Variants in MME observed in about 807,000 individuals in gnomAD.
MME encodes the protein membrane metalloendopeptidase.
A neutral mutation model predicts 113.2 loss-of-function variants in MME; 98 were observed. That is an observed-to-expected ratio of 0.87 (90% CI 0.74 to 1.02). The LOEUF is 1.02. Ranked by LOEUF, MME falls within the 50% of genes least tolerant of loss-of-function variation. The pLI, the probability that MME is intolerant of heterozygous loss-of-function variation, is 0.00. For synonymous variants in MME, 292 were observed against 300.6 expected (o/e 0.97, Z 0.30); for missense variants, 836 against 896.0 (o/e 0.93, Z 0.86).
chr3:155,164,916 G>T (rs1323478379), intron 17 of MME, among the ~76,000 whole-genome samples: 1 of 152,130 alleles, frequency 6.6e-6, no homozygotes, highest in East Asian at 1.9e-4. Context: ...TTGCTCAGAT[G>T]CTTTTTGAAG....
chr3:155,038,874 C>G (rs2067121184), intron 1 of MME, among the ~76,000 whole-genome samples: 1 of 152,098 alleles, frequency 6.6e-6, no homozygotes, highest in Admixed American at 6.6e-5. Context: ...AATCACTACT[C>G]CTTTGCTTTG....
intron 20 of MME, 30 bp from the exon 21 acceptor site, chr3:155,172,087 T>C (rs749630570): frequency 8.0e-7 from 1 of 1,246,432 alleles, no homozygotes; most frequent in Admixed American, 1.7e-5. Context: ...GAATTAATAT[T>C]ATTGTTTTTC....
Position 155,182,932 on chromosome 3 carries a change from C to T in MME, c.*2473C>T, listed in dbSNP as rs201810803. The T allele has an allele frequency of 3.3e-5, 5 of 152,280 alleles. No individual in the cohort carries two copies. Among genetic ancestry groups the T allele is most frequent in the South Asian group, 4.1e-4 (2 of 4,824 alleles). 9.4% of individuals were successfully genotyped at this position (152,280 alleles called of 1,614,324 possible). A position where few individuals can be genotyped will look rare whatever the true frequency, so the allele number is the denominator to read the frequency against. ...CCTTCTGATGTCTCTAAAGCACTACCGATTCTTTGGAGTTGTCACATCAGA... is the reference window on the plus strand; with the variant it reads ...CCTTCTGATGTCTCTAAAGCACTACTGATTCTTTGGAGTTGTCACATCAGA... On this transcript the variant is annotated 3_prime_UTR_variant, in exon 23 of 23. Transcript: ENST00000360490.
intron 1 of MME, among the ~76,000 whole-genome samples, chr3:155,059,391 G>A (rs1316954011): frequency 2.6e-5 from 4 of 150,950 alleles, no homozygotes; most frequent in African/African-American, 9.8e-5. Flanking sequence ...TGTATACCAA[G>A]AACATTGTAA....
At chr3:155,175,802 A>G (rs1161462865) in intron 22 of MME, among the ~76,000 whole-genome samples, 2 of 152,102 alleles carry the variant, frequency 1.3e-5, no homozygotes, top group East Asian at 3.9e-4. Context: ...TTGTTCCTTC[A>G]TAACTCTGTA....
chr3:155,116,586 A>G, intron 5 of MME, 27 bp downstream of exon 5: 1 of 1,468,826 alleles, frequency 6.8e-7, no homozygotes, highest in Non-Finnish European at 9.4e-7. Flanking sequence ...TGATTTCATT[A>G]GGAGTATATA....
chr3:155,104,763 A>G (rs1368863619), intron 3 of MME, among the ~76,000 whole-genome samples: 1 of 152,220 alleles, frequency 6.6e-6, no homozygotes, highest in Non-Finnish European at 1.5e-5. Flanking sequence ...TAGCCTTTTC[A>G]TGACCTTCTA....
At chr3:155,048,418 TG>T in intron 1 of MME, among the ~76,000 whole-genome samples, 1 of 152,368 alleles carries the variant, frequency 6.6e-6, no homozygotes, top group Middle Eastern at 3.4e-3. Context: ...TCAGAATTTT[TG>T]TTTGTTGTTC....
chr3:155,051,466 G>A (rs544231001), intron 1 of MME, among the ~76,000 whole-genome samples: 66 of 152,222 alleles, frequency 4.3e-4, no homozygotes, highest in African/African-American at 1.1e-3. Context: ...ACAATTCTGC[G>A]TGGCAAAGGA....
chr3:155,042,900 T>TTATA (rs1159626877), intron 1 of MME, among the ~76,000 whole-genome samples: 839 of 62,768 alleles, frequency 0.013, 7 homozygotes, highest in East Asian at 0.017. Context: ...ATAGTAGGTT[T>TTATA]TATATATATA....
intron 3 of MME, among the ~76,000 whole-genome samples, chr3:155,098,193 T>G (rs539236843): frequency 1.1e-4 from 16 of 152,140 alleles, no homozygotes; most frequent in South Asian, 4.2e-4. Flanking sequence ...TTTGGTGAGA[T>G]GATGGTTTCA....
upstream of MME, among the ~76,000 whole-genome samples, chr3:155,078,542 T>C (rs1011122036): frequency 6.6e-6 from 1 of 152,168 alleles, no homozygotes; most frequent in African/African-American, 2.4e-5. Context: ...TGGAAAATTT[T>C]TTAGCACAAG....
chr3:155,026,239 T>C (rs908940426), intron 1 of MME, among the ~76,000 whole-genome samples: 5 of 152,108 alleles, frequency 3.3e-5, no homozygotes, highest in Non-Finnish European at 7.4e-5. Flanking sequence ...CAGCTCAGTG[T>C]CCATTTATCT....
In MME at chr3:155,172,364, A is replaced by G. The variant is rs1350367471; in HGVS notation, c.2076+152A>G. 4 of 799,178 alleles carry G rather than the reference A, an allele frequency of 5.0e-6. No individual in the cohort carries two copies. The African/African-American group carries it at 5.1e-5, about 10-fold the overall frequency. The allele number at this position is 799,178 out of a possible 1,614,324, so 49.5% of individuals were successfully genotyped here. ...TATAATAGACTGTTGGATCATATTA[A>G]TGATAAATAACTATGTTCCTGGTTG... On this transcript the variant is annotated intron_variant, in intron 21 of 22. Coordinates refer to ENST00000360490, the MANE Select transcript of MME (RefSeq NM_007289.4).
At chr3:155,057,426 TC>T (rs1168880552) in intron 1 of MME, among the ~76,000 whole-genome samples, 2 of 152,022 alleles carry the variant, frequency 1.3e-5, no homozygotes, top group Admixed American at 1.3e-4. Flanking sequence ...AGAATGGCAA[TC>T]ATTAAAAAGT....
At chr3:155,169,578 T>C (rs1202747442) in intron 20 of MME, among the ~76,000 whole-genome samples, 1 of 152,148 alleles carries the variant, frequency 6.6e-6, no homozygotes, top group Admixed American at 6.6e-5. Context: ...GGAGGAATGA[T>C]GGTCTAGGAA....
intron 12 of MME, among the ~76,000 whole-genome samples, 175 bp from the exon 13 acceptor site, chr3:155,143,268 A>G (rs544589284): frequency 6.6e-6 from 1 of 152,304 alleles, no homozygotes; most frequent in East Asian, 1.9e-4. Flanking sequence ...CAGATCATAT[A>G]TAAGTAAACA....
chr3:155,065,468 A>T (rs774018178), intron 1 of MME, among the ~76,000 whole-genome samples: 10 of 152,268 alleles, frequency 6.6e-5, no homozygotes, highest in Non-Finnish European at 1.2e-4. Context: ...ACAAATGGAG[A>T]CACCTCCCCC....
At chr3:155,110,498 G>A (rs1423431859) in intron 3 of MME, among the ~76,000 whole-genome samples, 1 of 152,202 alleles carries the variant, frequency 6.6e-6, no homozygotes, top group Non-Finnish European at 1.5e-5. Context: ...GATGGTAGTT[G>A]AACTTGCTTT....
Sources: gnomAD v4.1 joint callset for allele counts (sites outside exome capture counted in the v4.1 genomes callset) on GRCh38, gnomAD v4.1.1 for gene constraint, MANE v1.5 for transcripts, NCBI Gene and HGNC (gene_info 2026-07-23, HGNC 2026-07-21) for gene names.